The following SUMF2 variants were observed in gnomAD, a reference collection of about 807,000 sequenced individuals.
The protein encoded by SUMF2 is sulfatase modifying factor 2.
SUMF2 carries 45 observed loss-of-function variants against 44.8 expected under a neutral mutation model. That is an observed-to-expected ratio of 1.00 (90% CI 0.79 to 1.29). SUMF2 has a LOEUF of 1.29. Among genes scored for constraint, SUMF2 ranks in the 50% most tolerant of loss-of-function variants. SUMF2 has a pLI of 0.00. For missense variants in SUMF2, 418 were observed against 389.9 expected (o/e 1.07, Z -0.61); for synonymous variants, 148 against 150.4 (o/e 0.98, Z 0.12).
intron 1 of SUMF2, 145 bp downstream of exon 1, chr7:56,064,523 G>T (rs1794615455): frequency 2.6e-6 from 3 of 1,175,012 alleles, no homozygotes; most frequent in Non-Finnish European, 3.5e-6. Flanking sequence ...GGTGCGCGTG[G>T]CGCCTCACCG....
chr7:56,087,560 G>C, the SUMF2 span: 4 of 1,592,254 alleles, frequency 2.5e-6, no homozygotes, highest in African/African-American at 1.3e-5. Flanking sequence ...AGAATCACAG[G>C]GGGGCACCCT....
chr7:56,068,654 T>C lies in SUMF2; in HGVS notation c.224+16T>C, dbSNP rs200558828. On this transcript the variant is annotated intron_variant, in intron 2 of 8. Coordinates refer to ENST00000434526, the MANE Select transcript of SUMF2 (RefSeq NM_015411.4). ...AAGATTTCAGGTACATCAGGTATTC[T>C]TCCAGGAGGAATGAAGACCCTCTCT... The C allele has an allele frequency of 7.4e-5, 119 of 1,603,016 alleles. No homozygotes were observed. The African/African-American group carries it at 1.3e-3, about 18-fold the overall frequency.
chr7:56,073,391 G>A, intron 3 of SUMF2: 3 of 436,952 alleles, frequency 6.9e-6, no homozygotes, highest in Non-Finnish European at 1.3e-5. Context: ...GGTGTCTCAT[G>A]CCTATAATCT....
In SUMF2 at chr7:56,068,988, A is replaced by G. The variant is rs10464798; in HGVS notation, c.224+350A>G. On this transcript the variant is annotated intron_variant, in intron 2 of 8. Coordinates refer to ENST00000434526, the MANE Select transcript of SUMF2 (RefSeq NM_015411.4). ...CAGCCTCCCAAAGTGCTGGGATTAC[A>G]GGCATGAGCCACTGCACTTGGCCTC... Among the ~76,000 whole-genome samples the G allele has an allele frequency of 0.012, 1,866 of 152,052 alleles. 117 individuals carry two copies. The East Asian group carries it at 0.2, about 17-fold the overall frequency.
intron 2 of SUMF2, among the ~76,000 whole-genome samples, chr7:56,071,306 G>A (rs1322397089): frequency 6.6e-6 from 1 of 152,100 alleles, no homozygotes; most frequent in Non-Finnish European, 1.5e-5. Flanking sequence ...GCAGTGAGCT[G>A]TGATTATGCC....
At chr7:56,078,656 G>A in intron 8 of SUMF2, 148 bp downstream of exon 8, 1 of 1,040,986 alleles carries the variant, frequency 9.6e-7, no homozygotes, top group Non-Finnish European at 1.3e-6. Context: ...GTGCCCAGTT[G>A]TGGGTACAAA....
chr7:56,083,359 T>G, downstream of SUMF2: 1 of 1,614,136 alleles, frequency 6.2e-7, no homozygotes. Flanking sequence ...TCCAAGAGAA[T>G]GTTCTCGGGC....
downstream of SUMF2, chr7:56,083,797 C>T (rs1796136251): frequency 1.1e-6 from 1 of 899,642 alleles, no homozygotes; most frequent in Non-Finnish European, 1.8e-6. Context: ...CTGCCTTCCA[C>T]CCTGATACCT....
chr7:56,073,022 C>CG lies in SUMF2; in HGVS notation c.252dup (p.Thr85AspfsTer4). 1 of 1,614,056 alleles carries CG rather than the reference C, an allele frequency of 6.2e-7. No individual in the cohort carries two copies. Among genetic ancestry groups the CG allele is most frequent in the Non-Finnish European group, 8.5e-7 (1 of 1,179,968 alleles). On this transcript the variant is annotated frameshift_variant, in exon 3 of 9. Coordinates refer to ENST00000434526, the MANE Select transcript of SUMF2 (RefSeq NM_015411.4). LOFTEE classifies it high-confidence loss of function. ...GGATTTTGTCAGGGAGAAAAAGTAT[C>CG]GGACAGAAGCTGAGATGTTTGGATG...
Position 56,068,520 on chromosome 7 carries a change from G to A in SUMF2, c.106G>A (p.Gly36Arg). 2 of 1,613,830 alleles carry A rather than the reference G, an allele frequency of 1.2e-6. No homozygotes were observed. The highest frequency in any genetic ancestry group is 1.7e-6 in the Non-Finnish European group (2 of 1,179,914). The change falls in exon 2 of 9, where the codon GGG becomes AGG. Residue 36 changes from glycine to arginine, a missense_variant. Gly to Arg is a moderately radical substitution (Grantham distance 125, BLOSUM62 -2). Transcript: ENST00000434526. ...TACTAGCATGGTCCAACTGCAGGGTGGGAGATTCCTGATGGGAACAAATTC... is the reference window on the plus strand; with the variant it reads ...TACTAGCATGGTCCAACTGCAGGGTAGGAGATTCCTGATGGGAACAAATTC... ...QATSMVQLQG[G>R]RFLMGTNSPD...
chr7:56,070,264 C>T (rs1795072669), intron 2 of SUMF2, among the ~76,000 whole-genome samples: 1 of 151,982 alleles, frequency 6.6e-6, no homozygotes, highest in Non-Finnish European at 1.5e-5. Flanking sequence ...GTGTTTTTCA[C>T]CTCTTAAATG....
chr7:56,068,374 T>A, intron 1 of SUMF2, 108 bp from the exon 2 acceptor site: 4 of 1,139,042 alleles, frequency 3.5e-6, no homozygotes, highest in Non-Finnish European at 4.8e-6. Flanking sequence ...CCTCCACATT[T>A]TTTGTTGTGT....
chr7:56,078,922 A>G, intron 8 of SUMF2: 2 of 480,710 alleles, frequency 4.2e-6, no homozygotes, highest in South Asian at 4.0e-5. Flanking sequence ...TTTGAGACAG[A>G]GTCTTGCTCT....
chr7:56,065,942 G>A (rs1480936867), intron 1 of SUMF2, among the ~76,000 whole-genome samples: 3 of 151,814 alleles, frequency 2.0e-5, no homozygotes, highest in Non-Finnish European at 2.9e-5. Context: ...TTAGCCGGGC[G>A]TGGTGGCGGG....
downstream of SUMF2, chr7:56,081,767 G>A (rs1274457036): frequency 1.9e-6 from 3 of 1,611,606 alleles, no homozygotes; most frequent in Non-Finnish European, 2.5e-6. The surrounding 1 kb of genome is among the most constrained non-coding windows in gnomAD (Gnocchi z 4.6). Context: ...TGTGAGAGGA[G>A]GAGAGGGGAA....
At chr7:56,073,181 G>C (rs762881166) in intron 3 of SUMF2, 70 bp downstream of exon 3, 2 of 1,202,672 alleles carry the variant, frequency 1.7e-6, no homozygotes, top group Non-Finnish European at 2.5e-6. Flanking sequence ...GTGGGACATG[G>C]GTTACCTGGG....
At chr7:56,065,330 G>C (rs1427508372) in intron 1 of SUMF2, among the ~76,000 whole-genome samples, 5 of 152,096 alleles carry the variant, frequency 3.3e-5, no homozygotes, top group Non-Finnish European at 5.9e-5. Flanking sequence ...CCCTCTCCTG[G>C]AGCCATTTGG....
Position 56,064,490 on chromosome 7 carries a change from G to T in SUMF2, c.67+112G>T, listed in dbSNP as rs1325476480. On this transcript the variant is annotated intron_variant, in intron 1 of 8. Transcript: ENST00000434526. ...CCGGCTTCCGGGATGCGGCTGCAGC[G>T]GCAGGCTGGGGAGGTAGCTCTCGGT... is the stretch of plus-strand genomic sequence containing the variant. 8 of 1,430,574 alleles carry T rather than the reference G, an allele frequency of 5.6e-6. No individual in the cohort carries two copies. In the African/African-American group the frequency reaches 7.5e-5, roughly 13 times the overall value. The allele number at this position is 1,430,574 out of a possible 1,614,324, so 88.6% of individuals were successfully genotyped here. A position where few individuals can be genotyped will look rare whatever the true frequency, so the allele number is the denominator to read the frequency against.
chr7:56,082,368 G>A (rs531313025), downstream of SUMF2: 28 of 738,066 alleles, frequency 3.8e-5, no homozygotes, highest in Non-Finnish European at 4.0e-5. Context: ...CGAGGCAGGT[G>A]GCTCATCTGA....
Sources: allele counts gnomAD v4.1 joint callset (sites outside exome capture counted in the v4.1 genomes callset), GRCh38; gene constraint gnomAD v4.1.1; non-coding constraint Gnocchi (gnomAD v3.1); transcripts MANE v1.5; gene names NCBI Gene and HGNC (gene_info 2026-07-23, HGNC 2026-07-21).